Variants in LDB2 observed in about 807,000 individuals in gnomAD.
The protein encoded by LDB2 is LIM domain binding 2.
A neutral mutation model predicts 44.3 loss-of-function variants in LDB2; 12 were observed. The ratio of observed to expected loss-of-function variants is 0.27; its 90% CI spans 0.17 to 0.44. LDB2 has a LOEUF of 0.44. Among genes scored for constraint, LDB2 ranks in the 20% least tolerant of loss-of-function variants. The probability of loss-of-function intolerance (pLI) is 1.00; values close to 1 mark genes in which losing one functional copy is unlikely to be tolerated. For missense variants in LDB2, 344 were observed against 473.5 expected, an observed-to-expected ratio of 0.73 and a Z score of 2.54; for synonymous variants, 164 against 174.8, an observed-to-expected ratio of 0.94 and a Z score of 0.49.
At chr4:16,709,131 C>T (rs1289970986) in intron 2 of LDB2, among the ~76,000 whole-genome samples, 1 of 152,142 alleles carries the variant, frequency 6.6e-6, no homozygotes, top group Non-Finnish European at 1.5e-5. Context: ...TGCCCAGTGC[C>T]TAGCTCAGAA....
chr4:16,772,063 G>A (rs755302701), intron 1 of LDB2, among the ~76,000 whole-genome samples: 87 of 152,028 alleles, frequency 5.7e-4, no homozygotes, highest in Non-Finnish European at 1.1e-3. Flanking sequence ...TCGGGCCCAG[G>A]GCTGCACTCC....
At chr4:16,743,171 T>C (rs1417630161) in intron 2 of LDB2, among the ~76,000 whole-genome samples, 1 of 152,110 alleles carries the variant, frequency 6.6e-6, no homozygotes, top group Admixed American at 6.5e-5. Context: ...AAGCCTGTAA[T>C]CCCAGCTACT....
chr4:16,600,103 C>G (rs1441964715), intron 2 of LDB2, among the ~76,000 whole-genome samples: 1 of 152,110 alleles, frequency 6.6e-6, no homozygotes, highest in African/African-American at 2.4e-5. Flanking sequence ...AACCATGCCA[C>G]TGCATTGCAC....
chr4:16,666,865 T>A (rs1455810657), intron 2 of LDB2, among the ~76,000 whole-genome samples: 1 of 152,196 alleles, frequency 6.6e-6, no homozygotes, highest in Admixed American at 6.5e-5. Flanking sequence ...TTCATTGTGT[T>A]TTTTTAAAAT....
In LDB2 at chr4:16,511,650, C is replaced by T. The variant is rs79335605; in HGVS notation, c.739+331G>A. Among the ~76,000 whole-genome samples the T allele has an allele frequency of 3.1e-3, 474 of 152,252 alleles. 18 individuals carry two copies. In the East Asian group the frequency reaches 0.069, roughly 22 times the overall value. On this transcript the variant is annotated intron_variant, in intron 6 of 7. Transcript: ENST00000304523. The stretch of plus-strand genomic sequence containing the variant: ...AGGCCGTGAGAAGCCAGCAGTCTGG[C>T]TCAGTGGAAGAACCACTAGATTAGA...
intron 2 of LDB2, among the ~76,000 whole-genome samples, chr4:16,668,940 C>T (rs899042066): frequency 6.6e-6 from 1 of 152,176 alleles, no homozygotes; most frequent in Non-Finnish European, 1.5e-5. Context: ...ATCGCTCCTG[C>T]TACAGTGTGG....
intron 1 of LDB2, among the ~76,000 whole-genome samples, chr4:16,835,605 C>T (rs62298183): frequency 0.18 from 27,233 of 152,038 alleles, 2,911 homozygotes; most frequent in Non-Finnish European, 0.23. Flanking sequence ...TTTAATTTCC[C>T]CTAGGTAATT....
At chr4:16,598,858 C>T (rs1506460) in intron 2 of LDB2, among the ~76,000 whole-genome samples, 56,105 of 148,866 alleles carry the variant, frequency 0.38, 10,906 homozygotes, top group East Asian at 0.59. Flanking sequence ...GCGAGGTGCG[C>T]GCCTCCTTTT....
intron 2 of LDB2, among the ~76,000 whole-genome samples, chr4:16,641,353 A>G (rs1176966852): frequency 6.6e-6 from 1 of 152,188 alleles, no homozygotes; most frequent in African/African-American, 2.4e-5. Context: ...GGAAGTTTCT[A>G]GAGTGAGAGC....
intron 2 of LDB2, among the ~76,000 whole-genome samples, chr4:16,633,287 T>G (rs1732545785): frequency 6.6e-6 from 1 of 151,888 alleles, no homozygotes; most frequent in Admixed American, 6.6e-5. Context: ...GGGCCTGTCA[T>G]GGGGTGGAGG....
chr4:16,687,049 T>G (rs947649906), intron 2 of LDB2, among the ~76,000 whole-genome samples: 10 of 150,054 alleles, frequency 6.7e-5, no homozygotes, highest in Non-Finnish European at 1.3e-4. Context: ...TTTTTACCAG[T>G]GAAATATGGG....
intron 2 of LDB2, among the ~76,000 whole-genome samples, chr4:16,699,860 C>T (rs1753048039): frequency 6.6e-6 from 1 of 152,108 alleles, no homozygotes; most frequent in African/African-American, 2.4e-5. Flanking sequence ...CCCAATATGG[C>T]GAACGCTGCA....
At chr4:16,675,303 C>T (rs1745997209) in intron 2 of LDB2, among the ~76,000 whole-genome samples, 1 of 152,134 alleles carries the variant, frequency 6.6e-6, no homozygotes, top group Admixed American at 6.5e-5. Context: ...GTGTTTAATT[C>T]TATGCAATTT....
intron 1 of LDB2, among the ~76,000 whole-genome samples, chr4:16,791,622 T>A (rs1775780544): frequency 6.6e-6 from 1 of 150,822 alleles, no homozygotes. Flanking sequence ...TTACAAACAC[T>A]GTAATCTTCC....
chr4:16,653,241 A>AT (rs1309872991), intron 2 of LDB2, among the ~76,000 whole-genome samples: 4 of 151,820 alleles, frequency 2.6e-5, no homozygotes, highest in South Asian at 2.1e-4. Context: ...CCTCTTTTTC[A>AT]TTTTTTGGCT....
intron 1 of LDB2, among the ~76,000 whole-genome samples, chr4:16,870,530 G>T (rs1716214548): frequency 6.6e-6 from 1 of 151,970 alleles, no homozygotes; most frequent in African/African-American, 2.4e-5. Flanking sequence ...TCTTTACCAG[G>T]TATAAAAGCC....
chr4:16,694,599 C>A lies in LDB2; in HGVS notation c.235+64559G>T, dbSNP rs1751653866. ...CCTGCAAGGCCTTCTTCCCTCCCAG[C>A]CCTTCCAAATCTTAGCTGGACACAG... On this transcript the variant is annotated intron_variant, in intron 2 of 7. Coordinates refer to ENST00000304523, the MANE Select transcript of LDB2 (RefSeq NM_001290.5). Among the ~76,000 whole-genome samples, 6 of 152,190 alleles carry A rather than the reference C, an allele frequency of 3.9e-5. No individual in the cohort carries two copies. In the South Asian group the frequency reaches 1.2e-3, roughly 32 times the overall value.
At chr4:16,649,552 A>G (rs1413792885) in intron 2 of LDB2, among the ~76,000 whole-genome samples, 2 of 152,194 alleles carry the variant, frequency 1.3e-5, no homozygotes, top group East Asian at 1.9e-4. Context: ...TTACATATGC[A>G]TTAAGACATA....
chr4:16,617,240 T>C (rs999798198), intron 2 of LDB2, among the ~76,000 whole-genome samples: 3 of 152,002 alleles, frequency 2.0e-5, no homozygotes, highest in African/African-American at 4.8e-5. Flanking sequence ...GACAGGCACT[T>C]TATAGAAACA....
Sources: gnomAD v4.1 joint callset for allele counts (sites outside exome capture counted in the v4.1 genomes callset) on GRCh38, gnomAD v4.1.1 for gene constraint, MANE v1.5 for transcripts, NCBI Gene and HGNC (gene_info 2026-07-23, HGNC 2026-07-21) for gene names.